The following CLEC16A variants were observed in gnomAD, a reference collection of about 807,000 sequenced individuals.
The protein encoded by CLEC16A is C-type lectin domain containing 16A.
A neutral mutation model predicts 109.5 loss-of-function variants in CLEC16A; 51 were observed. The ratio of observed to expected loss-of-function variants is 0.47; its 90% CI spans 0.37 to 0.59. The LOEUF (loss-of-function observed/expected upper bound fraction) is 0.59. CLEC16A is among the 20% of genes least tolerant of loss of function. CLEC16A has a pLI of 0.00. For missense variants in CLEC16A, 1,339 were observed against 1,394.0 expected (o/e 0.96, Z 0.63); for synonymous variants, 673 against 564.2 (o/e 1.19, Z -2.73).
chr16:11,002,978 T>C, intron 10 of CLEC16A, 96 bp from the exon 11 acceptor site: 1 of 895,652 alleles, frequency 1.1e-6, no homozygotes, highest in Non-Finnish European at 1.7e-6. Context: ...CTTTTGGAGA[T>C]GAGTTTCTTA....
chr16:11,077,972 TG>T (rs2049481588), intron 19 of CLEC16A, among the ~76,000 whole-genome samples: 1 of 130,072 alleles, frequency 7.7e-6, no homozygotes, highest in Non-Finnish European at 1.6e-5. Flanking sequence ...AACGTGTGTG[TG>T]TGTGTGTGTG....
chr16:11,022,731 C>T (rs944364879), intron 12 of CLEC16A, among the ~76,000 whole-genome samples: 1 of 151,768 alleles, frequency 6.6e-6, no homozygotes, highest in African/African-American at 2.4e-5. Context: ...AACCCCGTCT[C>T]TACTAAAAAT....
chr16:10,955,375 A>G (rs2041937812), intron 1 of CLEC16A, among the ~76,000 whole-genome samples: 1 of 152,186 alleles, frequency 6.6e-6, no homozygotes, highest in African/African-American at 2.4e-5. Context: ...GCTGACCTTG[A>G]GGAGCTCAGG....
intron 14 of CLEC16A, 39 bp from the exon 15 acceptor site, chr16:11,042,215 A>G: frequency 6.7e-7 from 1 of 1,496,346 alleles, no homozygotes; most frequent in South Asian, 1.2e-5. Flanking sequence ...AGGGCGCCCC[A>G]CCCTGGGTGT....
At chr16:10,973,143 A>C in intron 7 of CLEC16A, 82 bp downstream of exon 7, 1 of 1,473,104 alleles carries the variant, frequency 6.8e-7, no homozygotes, top group Non-Finnish European at 9.1e-7. Context: ...AAAAATAAAC[A>C]CAAGAACCGC....
At chr16:11,122,435 G>A (rs1043478264) in intron 20 of CLEC16A, among the ~76,000 whole-genome samples, 5 of 152,150 alleles carry the variant, frequency 3.3e-5, no homozygotes, top group Admixed American at 6.6e-5. Flanking sequence ...CTCCCCTGAA[G>A]AATTAATATG....
At chr16:11,142,034 G>A (rs1195641625) in intron 22 of CLEC16A, among the ~76,000 whole-genome samples, 1 of 152,174 alleles carries the variant, frequency 6.6e-6, no homozygotes, top group Non-Finnish European at 1.5e-5. Flanking sequence ...AGCATTCTGT[G>A]AGACTCATCG....
intron 11 of CLEC16A, among the ~76,000 whole-genome samples, chr16:11,009,583 C>T (rs2045272858): frequency 6.6e-6 from 1 of 152,136 alleles, no homozygotes; most frequent in Non-Finnish European, 1.5e-5. Context: ...CGGGAAACTT[C>T]AGTTGTGTGA....
chr16:11,083,185 C>T (rs1465312426), intron 19 of CLEC16A, among the ~76,000 whole-genome samples: 1 of 152,104 alleles, frequency 6.6e-6, no homozygotes, highest in African/African-American at 2.4e-5. Context: ...TTGTTTGAGG[C>T]AGGGTCTTGC....
intron 10 of CLEC16A, among the ~76,000 whole-genome samples, chr16:10,993,030 C>G (rs2044121052): frequency 6.6e-6 from 1 of 151,824 alleles, no homozygotes; most frequent in Non-Finnish European, 1.5e-5. Flanking sequence ...TATATGGGAT[C>G]AGGAGAGAGG....
chr16:10,974,693 G>A (rs1189737682), intron 7 of CLEC16A, among the ~76,000 whole-genome samples: 1 of 152,242 alleles, frequency 6.6e-6, no homozygotes, highest in Non-Finnish European at 1.5e-5. Flanking sequence ...ATGCTAAAGG[G>A]ACCAGGGCAG....
At chr16:11,008,444 G>C (rs2045175863) in intron 11 of CLEC16A, among the ~76,000 whole-genome samples, 1 of 152,100 alleles carries the variant, frequency 6.6e-6, no homozygotes, top group East Asian at 1.9e-4. Flanking sequence ...GTGTGTCAGA[G>C]TATCAGGGAA....
intron 19 of CLEC16A, among the ~76,000 whole-genome samples, chr16:11,102,340 G>A (rs1023899333): frequency 1.3e-5 from 2 of 152,160 alleles, no homozygotes; most frequent in African/African-American, 4.8e-5. Flanking sequence ...GATTAAAAAC[G>A]TAAAGCAGGG....
chr16:11,144,160 A>G (rs773648708), intron 22 of CLEC16A, among the ~76,000 whole-genome samples: 9 of 152,162 alleles, frequency 5.9e-5, no homozygotes, highest in African/African-American at 1.9e-4. Flanking sequence ...TATCCACCTT[A>G]GAGTGAATAC....
chr16:11,062,179 C>G (rs1270823061), intron 19 of CLEC16A, among the ~76,000 whole-genome samples: 1 of 151,960 alleles, frequency 6.6e-6, no homozygotes, highest in Admixed American at 6.6e-5. Flanking sequence ...AACCCCATCA[C>G]CTGAGAGAGG....
chr16:11,015,140 T>G (rs567821085), intron 11 of CLEC16A, among the ~76,000 whole-genome samples: 1 of 152,304 alleles, frequency 6.6e-6, no homozygotes, highest in Non-Finnish European at 1.5e-5. Context: ...AACCTTTCCT[T>G]GACATTTGAA....
At chr16:11,047,170 A>C in intron 16 of CLEC16A, 122 bp from the exon 17 acceptor site, 3 of 585,318 alleles carry the variant, frequency 5.1e-6, no homozygotes, top group Non-Finnish European at 8.3e-6. Flanking sequence ...CTGGTGATTT[A>C]CGAGAACTCA....
At chr16:10,955,509 G>A (rs1000795711) in intron 1 of CLEC16A, among the ~76,000 whole-genome samples, 1 of 152,160 alleles carries the variant, frequency 6.6e-6, no homozygotes, top group Non-Finnish European at 1.5e-5. Flanking sequence ...CATGGGGAAC[G>A]CTTTACCAAG....
intron 12 of CLEC16A, 31 bp from the exon 13 acceptor site, chr16:11,024,790 G>A (rs776587614): frequency 5.9e-6 from 9 of 1,531,910 alleles, no homozygotes; most frequent in Middle Eastern, 1.9e-4. Context: ...TGTGCACCGT[G>A]AGGCTCATAC....
Sources: allele counts gnomAD v4.1 joint callset (sites outside exome capture counted in the v4.1 genomes callset), GRCh38; gene constraint gnomAD v4.1.1; transcripts MANE v1.5; gene names NCBI Gene and HGNC (gene_info 2026-07-23, HGNC 2026-07-21).